The following RBMS3 variants were observed in gnomAD, a reference collection of about 807,000 sequenced individuals.
RBMS3 encodes the protein RNA-binding motif, single-stranded-interacting protein 3.
RBMS3 carries 27 observed loss-of-function variants against 66.8 expected under a neutral mutation model. The ratio of observed to expected loss-of-function variants is 0.40; its 90% CI spans 0.30 to 0.56. RBMS3 has a LOEUF of 0.56. RBMS3 is among the 20% of genes least tolerant of loss of function. The pLI is 0.40. For synonymous variants in RBMS3, 188 were observed against 183.0 expected (o/e 1.03, Z -0.22); for missense variants, 513 against 549.5 (o/e 0.93, Z 0.66).
chr3:29,940,021 G>C (rs938857918), intron 11 of RBMS3, among the ~76,000 whole-genome samples: 2 of 151,712 alleles, frequency 1.3e-5, no homozygotes, highest in Non-Finnish European at 2.9e-5. Context: ...CATTTTCCCT[G>C]TAGTCAAACC....
rs889722823 is a variant in RBMS3 at position 29,995,535 on chromosome 3, AG to A, written c.1307+4329del. Among the ~76,000 whole-genome samples the A allele has an allele frequency of 3.3e-5, 5 of 150,850 alleles. No homozygotes were observed. The Admixed American group carries it at 3.3e-4, about 10-fold the overall frequency. ...GAGAGAAAGGTCGGGTTACCCTCAAAGGGAAGCCCATCAGACTAACAGCGGA... is the reference window on the plus strand; with the variant it reads ...GAGAGAAAGGTCGGGTTACCCTCAAAGGAAGCCCATCAGACTAACAGCGGA... On this transcript the variant is annotated intron_variant, in intron 14 of 14. Transcript: ENST00000383767.
intron 3 of RBMS3, among the ~76,000 whole-genome samples, chr3:29,527,760 A>G (rs1409556712): frequency 1.3e-5 from 2 of 152,044 alleles, no homozygotes; most frequent in African/African-American, 2.4e-5. Flanking sequence ...TGTCATTTAC[A>G]TTAGGTATAT....
intron 4 of RBMS3, among the ~76,000 whole-genome samples, chr3:29,710,551 A>G (rs2053118580): frequency 6.6e-6 from 1 of 152,102 alleles, no homozygotes; most frequent in Non-Finnish European, 1.5e-5. Context: ...CTGGCACTAT[A>G]CTCTTTCCAA....
intron 12 of RBMS3, among the ~76,000 whole-genome samples, chr3:29,954,919 A>G (rs375989099): frequency 6.6e-6 from 1 of 152,212 alleles, no homozygotes; most frequent in African/African-American, 2.4e-5. Context: ...AACAATTAGG[A>G]GTTACCTTAG....
intron 10 of RBMS3, among the ~76,000 whole-genome samples, chr3:29,913,417 T>C (rs2060566420): frequency 6.6e-6 from 1 of 152,032 alleles, no homozygotes; most frequent in Admixed American, 6.6e-5. Context: ...ACACTGTTTA[T>C]GCATAATATT....
At chr3:29,937,698 C>T (rs962679928) in intron 11 of RBMS3, among the ~76,000 whole-genome samples, 1 of 151,882 alleles carries the variant, frequency 6.6e-6, no homozygotes, top group East Asian at 1.9e-4. Flanking sequence ...TTTTAGAAAT[C>T]GTGTCTAAGA....
At chr3:29,717,168 A>C (rs1005597661) in intron 4 of RBMS3, among the ~76,000 whole-genome samples, 1 of 151,996 alleles carries the variant, frequency 6.6e-6, no homozygotes, top group Non-Finnish European at 1.5e-5. Context: ...TGATGACAAT[A>C]ATACCTACAT....
At chr3:29,341,601 A>T (rs1195538879) in intron 1 of RBMS3, among the ~76,000 whole-genome samples, 1 of 152,106 alleles carries the variant, frequency 6.6e-6, no homozygotes, top group African/African-American at 2.4e-5. Context: ...GAGCTTGCTC[A>T]TTTCTCTGGG....
intron 10 of RBMS3, chr3:29,926,830 G>A (rs1186819518): frequency 1.3e-5 from 2 of 152,072 alleles, no homozygotes; most frequent in African/African-American, 4.8e-5. Context: ...TGTGTTTGGA[G>A]GTATACAAAG....
At chr3:30,000,422 T>C (rs943781680) in intron 14 of RBMS3, among the ~76,000 whole-genome samples, 31 of 151,746 alleles carry the variant, frequency 2.0e-4, no homozygotes, top group African/African-American at 7.5e-4. Context: ...GAAATAGGAA[T>C]ACTTTTACAC....
chr3:29,369,202 A>G (rs2038061146), intron 1 of RBMS3, among the ~76,000 whole-genome samples: 1 of 152,008 alleles, frequency 6.6e-6, no homozygotes, highest in Non-Finnish European at 1.5e-5. Context: ...AGGAAGAATA[A>G]CTAATGGGTA....
chr3:29,323,978 C>T (rs1329117266), intron 1 of RBMS3, among the ~76,000 whole-genome samples: 1 of 119,998 alleles, frequency 8.3e-6, no homozygotes, highest in Non-Finnish European at 1.7e-5. Context: ...GTCCTATTTT[C>T]TTGGATTTGC....
At chr3:29,995,531 T>A (rs1577348725) in intron 14 of RBMS3, among the ~76,000 whole-genome samples, 1 of 150,884 alleles carries the variant, frequency 6.6e-6, no homozygotes, top group African/African-American at 2.4e-5. Flanking sequence ...CGGGTTACCC[T>A]CAAAGGGAAG....
intron 4 of RBMS3, among the ~76,000 whole-genome samples, chr3:29,609,452 A>T (rs185795687): frequency 6.6e-6 from 1 of 152,024 alleles, no homozygotes; most frequent in Admixed American, 6.6e-5. Flanking sequence ...GAGTCAGGTG[A>T]ATGAGGCAGT....
chr3:29,665,949 A>T (rs1397442541), intron 4 of RBMS3, among the ~76,000 whole-genome samples: 2 of 152,116 alleles, frequency 1.3e-5, no homozygotes, highest in African/African-American at 2.4e-5. Flanking sequence ...CTTAGGGTAA[A>T]AGCCAGTCAG....
chr3:29,305,532 G>A (rs1012614843), intron 1 of RBMS3, among the ~76,000 whole-genome samples: 26 of 151,762 alleles, frequency 1.7e-4, no homozygotes, highest in Non-Finnish European at 3.1e-4. Context: ...TGTATGCCAG[G>A]GTAGTAATCC....
At chr3:29,281,856 ATCACTTCT>A in intron 1 of RBMS3, 100 bp downstream of exon 1, 1 of 940,592 alleles carries the variant, frequency 1.1e-6, no homozygotes, top group Non-Finnish European at 1.6e-6. Flanking sequence ...CCCCACCCCC[ATCACTTCT>A]TCCTGCTTCT....
chr3:29,704,625 G>A (rs1445158967), intron 4 of RBMS3, among the ~76,000 whole-genome samples: 1 of 151,968 alleles, frequency 6.6e-6, no homozygotes, highest in Non-Finnish European at 1.5e-5. Flanking sequence ...GCATCTAGTG[G>A]GCATTCAACC....
chr3:29,856,587 C>T (rs2059083345), intron 6 of RBMS3, among the ~76,000 whole-genome samples: 1 of 152,058 alleles, frequency 6.6e-6, no homozygotes, highest in African/African-American at 2.4e-5. Flanking sequence ...TATAAGATAC[C>T]TTTAGTGCTC....
Sources: allele counts gnomAD v4.1 joint callset (sites outside exome capture counted in the v4.1 genomes callset), GRCh38; gene constraint gnomAD v4.1.1; transcripts MANE v1.5; gene names NCBI Gene and HGNC (gene_info 2026-07-23, HGNC 2026-07-21).